Variants in ZMYND11 observed in about 807,000 individuals in gnomAD.
ZMYND11 encodes the protein zinc finger MYND-type containing 11, also known as zinc finger MYND domain-containing protein 11.
Under a neutral mutation model 84.9 loss-of-function variants are expected in ZMYND11, and 9 were observed. The observed-to-expected ratio is 0.11, with a 90% CI of 0.06 to 0.18. The LOEUF is 0.18. ZMYND11 is among the 10% of genes least tolerant of loss of function. The pLI is 1.00. For missense variants in ZMYND11, 409 were observed against 761.0 expected, an observed-to-expected ratio of 0.54 and a Z score of 5.44; for synonymous variants, 250 against 244.1, an observed-to-expected ratio of 1.02 and a Z score of -0.23.
intron 1 of ZMYND11, among the ~76,000 whole-genome samples, chr10:150,765 T>C (rs1840139735): frequency 6.6e-6 from 1 of 152,202 alleles, no homozygotes; most frequent in African/African-American, 2.4e-5. Context: ...GTTTGAGATC[T>C]GAGAACGGAC....
chr10:152,638 C>T (rs1840671843), intron 1 of ZMYND11, among the ~76,000 whole-genome samples: 1 of 152,186 alleles, frequency 6.6e-6, no homozygotes, highest in African/African-American at 2.4e-5. Context: ...CCAGTGTCAA[C>T]ATTAGACATA....
chr10:247,155 A>G (rs992278216), intron 11 of ZMYND11, among the ~76,000 whole-genome samples, 182 bp downstream of exon 11: 1 of 152,228 alleles, frequency 6.6e-6, no homozygotes, highest in African/African-American at 2.4e-5. Flanking sequence ...GTAACAATCA[A>G]TGACCTTGAC....
At chr10:245,219 CAA>C (rs1951871110) in intron 10 of ZMYND11, among the ~76,000 whole-genome samples, 1 of 152,106 alleles carries the variant, frequency 6.6e-6, no homozygotes, top group South Asian at 2.1e-4. Context: ...ATAATATTAA[CAA>C]TATATTCATA....
At chr10:158,009 G>C (rs1457897687) in intron 1 of ZMYND11, among the ~76,000 whole-genome samples, 7 of 152,176 alleles carry the variant, frequency 4.6e-5, no homozygotes, top group Non-Finnish European at 1.0e-4. Context: ...TGTTTTCGAG[G>C]CTCATCCATG....
At chr10:232,667 G>C (rs1474871603) in intron 4 of ZMYND11, among the ~76,000 whole-genome samples, 1 of 152,148 alleles carries the variant, frequency 6.6e-6, no homozygotes, top group East Asian at 1.9e-4. Context: ...CAAAAAGGTG[G>C]GTGGGGCAAC....
At chr10:235,549 C>T (rs533302045) in intron 4 of ZMYND11, among the ~76,000 whole-genome samples, 13 of 152,156 alleles carry the variant, frequency 8.5e-5, no homozygotes, top group South Asian at 2.1e-4. Flanking sequence ...CAAGCAAATA[C>T]GAATCACAGG....
At chr10:146,218 ATTC>A (rs148582646) in intron 1 of ZMYND11, among the ~76,000 whole-genome samples, 3 of 152,202 alleles carry the variant, frequency 2.0e-5, no homozygotes, top group African/African-American at 4.8e-5. Context: ...TAGGTTCTCT[ATTC>A]TTTTCCATTC....
chr10:200,519 A>T (rs548477718), intron 2 of ZMYND11, among the ~76,000 whole-genome samples: 2 of 151,396 alleles, frequency 1.3e-5, no homozygotes, highest in Non-Finnish European at 2.9e-5. Flanking sequence ...AGCTCAAGTG[A>T]TCTCACCTTG....
At chr10:240,589 G>A (rs1439987637) in intron 8 of ZMYND11, among the ~76,000 whole-genome samples, 1 of 152,182 alleles carries the variant, frequency 6.6e-6, no homozygotes, top group Non-Finnish European at 1.5e-5. Flanking sequence ...AGCAGATATT[G>A]TTACCTTCCT....
In ZMYND11 at chr10:220,116, T is replaced by C. The variant is rs555995291; in HGVS notation, c.277-1079T>C. On this transcript the variant is annotated intron_variant, in intron 3 of 14. Transcript: ENST00000381604. ...TGAGTGCTACATGAAAGCCCATTTA[T>C]TGGGGGAGTACTGACATCAGAGAAA... Among the ~76,000 whole-genome samples the C allele has an allele frequency of 2.1e-3, 325 of 152,240 alleles. 1 individual carries two copies. The highest frequency in any genetic ancestry group is 7.3e-3 in the African/African-American group (302 of 41,550).
chr10:180,575 A>G (rs948598739), intron 2 of ZMYND11, among the ~76,000 whole-genome samples: 10 of 152,012 alleles, frequency 6.6e-5, no homozygotes, highest in Non-Finnish European at 1.0e-4. Flanking sequence ...AATTTTTTGT[A>G]TTTTTAGTAG....
intron 14 of ZMYND11, among the ~76,000 whole-genome samples, chr10:250,484 G>GAC (rs1953204903): frequency 1.3e-5 from 2 of 151,990 alleles, no homozygotes; most frequent in African/African-American, 4.8e-5. Flanking sequence ...GATGGAGCAA[G>GAC]ACCCTGTCTC....
chr10:238,437 A>G (rs1950339266), intron 6 of ZMYND11, among the ~76,000 whole-genome samples: 1 of 151,934 alleles, frequency 6.6e-6, no homozygotes. Flanking sequence ...GCTCACTGCA[A>G]GCTCTGCCTC....
At chr10:240,856 T>C (rs1950778809) in intron 8 of ZMYND11, 37 bp from the exon 9 acceptor site, 1 of 1,504,396 alleles carries the variant, frequency 6.6e-7, no homozygotes, top group South Asian at 1.2e-5. Flanking sequence ...TGTATGTATA[T>C]TTTATGTAGG....
At chr10:151,907 T>C (rs1296645484) in intron 1 of ZMYND11, among the ~76,000 whole-genome samples, 1 of 152,212 alleles carries the variant, frequency 6.6e-6, no homozygotes, top group Non-Finnish European at 1.5e-5. Context: ...TGGGGACCAA[T>C]ATTCAACATT....
chr10:235,198 C>G (rs1391163058), intron 4 of ZMYND11, among the ~76,000 whole-genome samples: 1 of 151,924 alleles, frequency 6.6e-6, no homozygotes, highest in East Asian at 1.9e-4. Flanking sequence ...ACCAATGCTG[C>G]TGACTAAACA....
chr10:223,295 T>G (rs1156367323), intron 4 of ZMYND11, among the ~76,000 whole-genome samples: 1 of 152,162 alleles, frequency 6.6e-6, no homozygotes, highest in African/African-American at 2.4e-5. Context: ...CACCTGGGCC[T>G]CCCAAAGTGC....
intron 3 of ZMYND11, among the ~76,000 whole-genome samples, chr10:212,264 AT>A (rs578183188): frequency 2.1e-3 from 319 of 152,102 alleles, no homozygotes; most frequent in African/African-American, 7.2e-3. Context: ...TCTAATTTTT[AT>A]TTTTATATGT....
intron 2 of ZMYND11, among the ~76,000 whole-genome samples, chr10:206,290 G>A (rs1215688739): frequency 1.1e-4 from 17 of 152,116 alleles, no homozygotes; most frequent in Admixed American, 1.1e-3. Context: ...AACCCAGGAG[G>A]CAGAGGTTGC....
Sources: gnomAD v4.1 joint callset for allele counts (sites outside exome capture counted in the v4.1 genomes callset) on GRCh38, gnomAD v4.1.1 for gene constraint, MANE v1.5 for transcripts, NCBI Gene and HGNC (gene_info 2026-07-23, HGNC 2026-07-21) for gene names.